SEMA6D: variants seen among roughly 807,000 people sequenced by gnomAD.
The protein encoded by SEMA6D is semaphorin-6D.
A neutral mutation model predicts 106.6 loss-of-function variants in SEMA6D; 35 were observed. The observed-to-expected ratio is 0.33, with a 90% CI of 0.25 to 0.44. SEMA6D has a LOEUF of 0.44. SEMA6D is among the 20% of genes least tolerant of loss of function. The pLI is 1.00. For synonymous variants in SEMA6D, 499 were observed against 487.7 expected, an observed-to-expected ratio of 1.02 and a Z score of -0.31; for missense variants, 1,185 against 1,345.9, an observed-to-expected ratio of 0.88 and a Z score of 1.87.
chr15:47,459,409 C>T (rs539264996), intron 2 of SEMA6D, among the ~76,000 whole-genome samples: 1 of 152,140 alleles, frequency 6.6e-6, no homozygotes, highest in African/African-American at 2.4e-5. Flanking sequence ...CCCACCAATA[C>T]ATTGATTACA....
chr15:47,511,331 A>G (rs1291400310), intron 3 of SEMA6D, among the ~76,000 whole-genome samples: 2 of 152,186 alleles, frequency 1.3e-5, no homozygotes, highest in African/African-American at 4.8e-5. Flanking sequence ...TTCCAGATTT[A>G]TAGTTTGCAA....
intron 1 of SEMA6D, chr15:47,273,037 A>T (rs2034628888): frequency 1.3e-5 from 2 of 152,292 alleles, no homozygotes; most frequent in South Asian, 2.1e-4. Flanking sequence ...CTAGGACATG[A>T]CCTTCTTTAC....
chr15:47,750,996 A>G (rs1314861853), intron 1 of SEMA6D, among the ~76,000 whole-genome samples: 1 of 152,204 alleles, frequency 6.6e-6, no homozygotes, highest in Non-Finnish European at 1.5e-5. Flanking sequence ...CATGCTTTTC[A>G]GAAGGGCCCA....
intron 1 of SEMA6D, among the ~76,000 whole-genome samples, chr15:47,212,993 C>G (rs1194902535): frequency 6.6e-6 from 1 of 152,182 alleles, no homozygotes; most frequent in Non-Finnish European, 1.5e-5. Context: ...TTCTTCCTTT[C>G]CCTCCTTTTT....
chr15:47,562,373 C>A (rs1197329034), intron 3 of SEMA6D, among the ~76,000 whole-genome samples: 5 of 151,982 alleles, frequency 3.3e-5, no homozygotes, highest in African/African-American at 1.2e-4. Flanking sequence ...ATGAGAAAAT[C>A]TGCATAAGCT....
intron 1 of SEMA6D, among the ~76,000 whole-genome samples, chr15:47,201,279 C>T (rs554970592): frequency 6.6e-6 from 1 of 152,288 alleles, no homozygotes; most frequent in East Asian, 1.9e-4. Context: ...GAATGGCATA[C>T]ATTACAGACA....
intron 4 of SEMA6D, among the ~76,000 whole-genome samples, chr15:47,691,871 A>G (rs1176453924): frequency 6.6e-6 from 1 of 152,106 alleles, no homozygotes; most frequent in African/African-American, 2.4e-5. Flanking sequence ...AGGAAAATAC[A>G]TAAAATGTGA....
At chr15:47,210,632 G>A (rs1418536777) in intron 1 of SEMA6D, among the ~76,000 whole-genome samples, 1 of 151,898 alleles carries the variant, frequency 6.6e-6, no homozygotes, top group East Asian at 1.9e-4. Flanking sequence ...GCGCGTGGTG[G>A]CACATGCCTA....
At chr15:47,724,596 G>GA (rs759288889) in intron 1 of SEMA6D, among the ~76,000 whole-genome samples, 1 of 151,888 alleles carries the variant, frequency 6.6e-6, no homozygotes, top group Non-Finnish European at 1.5e-5. Flanking sequence ...TGTTGAGAGG[G>GA]AGGGAATTCC....
At chr15:47,517,513 T>C (rs1021947745) in intron 3 of SEMA6D, among the ~76,000 whole-genome samples, 4 of 152,190 alleles carry the variant, frequency 2.6e-5, no homozygotes, top group African/African-American at 9.7e-5. Context: ...CATTTTTAGA[T>C]ATATCTCAGG....
At chr15:47,600,075 T>C (rs1399153839) in intron 3 of SEMA6D, among the ~76,000 whole-genome samples, 2 of 152,150 alleles carry the variant, frequency 1.3e-5, no homozygotes, top group East Asian at 3.9e-4. Context: ...GGTGTTATTT[T>C]TAGTTAAGTC....
intron 1 of SEMA6D, among the ~76,000 whole-genome samples, chr15:47,311,476 G>A (rs1222707600): frequency 6.6e-6 from 1 of 152,132 alleles, no homozygotes; most frequent in Non-Finnish European, 1.5e-5. Flanking sequence ...GCCCGCCAGA[G>A]GGGTTATGTG....
intron 15 of SEMA6D, among the ~76,000 whole-genome samples, 159 bp downstream of exon 15, chr15:47,766,341 A>ATAATAATACTTAAGGGAAATGGTAGACC (rs1277917551): frequency 1.3e-5 from 2 of 152,112 alleles, no homozygotes; most frequent in African/African-American, 4.8e-5. Context: ...AAGGAAGGGA[A>ATAATAATACTTAAGGGAAATGGTAGACC]TAATAATACT....
intron 3 of SEMA6D, among the ~76,000 whole-genome samples, chr15:47,507,861 G>A (rs1475068916): frequency 1.3e-5 from 2 of 152,196 alleles, no homozygotes; most frequent in Non-Finnish European, 2.9e-5. Flanking sequence ...ATGCTAAAGT[G>A]TCTTTTGCAT....
intron 3 of SEMA6D, among the ~76,000 whole-genome samples, chr15:47,534,341 C>A (rs887576793): frequency 6.6e-6 from 1 of 151,932 alleles, no homozygotes. Flanking sequence ...CAGGCGTGCC[C>A]AGCTAATTTT....
intron 1 of SEMA6D, among the ~76,000 whole-genome samples, chr15:47,189,602 A>T (rs889202349): frequency 6.6e-6 from 1 of 152,224 alleles, no homozygotes; most frequent in African/African-American, 2.4e-5. Context: ...AAACTTCCAA[A>T]TCTAACCAGC....
chr15:47,480,449 C>A (rs1488546456), intron 3 of SEMA6D, among the ~76,000 whole-genome samples: 2 of 152,088 alleles, frequency 1.3e-5, no homozygotes, highest in Non-Finnish European at 2.9e-5. Context: ...GAAACTGATT[C>A]CCCATTATTC....
chr15:47,566,398 C>G (rs562135723), intron 3 of SEMA6D, among the ~76,000 whole-genome samples: 1 of 152,294 alleles, frequency 6.6e-6, no homozygotes, highest in African/African-American at 2.4e-5. Flanking sequence ...CAAAGTAAGG[C>G]TGGAGTGTGT....
chr15:47,605,008 A>G (rs1233535265), intron 4 of SEMA6D, among the ~76,000 whole-genome samples: 1 of 152,036 alleles, frequency 6.6e-6, no homozygotes, highest in African/African-American at 2.4e-5. Flanking sequence ...ACCCGGCCTC[A>G]CTGTAATAGT....
Sources: allele counts gnomAD v4.1 joint callset (sites outside exome capture counted in the v4.1 genomes callset), GRCh38; gene constraint gnomAD v4.1.1; transcripts MANE v1.5; gene names NCBI Gene and HGNC (gene_info 2026-07-23, HGNC 2026-07-21).